The following PRMT5 variants were observed in gnomAD, a reference collection of about 807,000 sequenced individuals.
PRMT5 encodes the protein protein arginine methyltransferase 5.
Under a neutral mutation model 84.0 loss-of-function variants are expected in PRMT5, and 15 were observed. The ratio of observed to expected loss-of-function variants is 0.18; its 90% CI spans 0.12 to 0.28. The LOEUF (loss-of-function observed/expected upper bound fraction) is 0.28. Ranked by LOEUF, PRMT5 falls within the 10% of genes least tolerant of loss-of-function variation. PRMT5 has a pLI of 1.00. For synonymous variants in PRMT5, 276 were observed against 292.4 expected, an observed-to-expected ratio of 0.94 and a Z score of 0.57; for missense variants, 486 against 808.0, an observed-to-expected ratio of 0.60 and a Z score of 4.83.
Position 22,928,030 on chromosome 14 carries a change from A to G in PRMT5, c.315+96T>C. ...AGCCTAATAGCTTTAATTTCATTCT[A>G]TCAGTTAATTTACCAAGTTATTGGG... On this transcript the variant is annotated intron_variant, in intron 3 of 16. Coordinates refer to ENST00000324366, the MANE Select transcript of PRMT5 (RefSeq NM_006109.5). This position sits in a 1 kb window ranked among gnomAD's most constrained non-coding sequence, Gnocchi z 4.8. 2 of 1,080,088 alleles carry G rather than the reference A, an allele frequency of 1.9e-6. No homozygotes were observed. The highest frequency in any genetic ancestry group is 2.4e-5 in the East Asian group (1 of 42,114). The allele number at this position is 1,080,088 out of a possible 1,614,324, so 66.9% of individuals were successfully genotyped here.
chr14:22,926,355 C>T (rs2044418835), intron 6 of PRMT5, 59 bp from the exon 7 acceptor site: 13 of 1,602,096 alleles, frequency 8.1e-6, no homozygotes, highest in Non-Finnish European at 9.4e-6. Flanking sequence ...CTTCCTTGCT[C>T]CTTTGCGCAA....
rs773872232 is a variant in PRMT5 at position 22,924,563 on chromosome 14, G to A, written c.1018-26C>T. 8 of 1,613,218 alleles carry A rather than the reference G, an allele frequency of 5.0e-6. No homozygotes were observed. The East Asian group carries it at 1.6e-4, about 31-fold the overall frequency. On this transcript the variant is annotated intron_variant, in intron 9 of 16. Transcript: ENST00000324366. This position sits in a 1 kb window ranked among gnomAD's most constrained non-coding sequence, Gnocchi z 6.5. The stretch of plus-strand genomic sequence containing the variant: ...CTGGAGGGAGGAGAGAATATCCCAT[G>A]GTTGTAATCCCATCCTCCCCAGGTC...
At position 22,926,555 on chromosome 14, in the gene PRMT5, C is replaced by A. The variant is rs141950104; in HGVS notation, c.564G>T (p.Trp188Cys). Reference sequence around the variant, plus strand: ...CACACAAAGTCCGGAAGTTGTGCCACCTGTTCAGTCAAATACAGAAAAGTA... The same window carrying A: ...CACACAAAGTCCGGAAGTTGTGCCAACTGTTCAGTCAAATACAGAAAAGTA... ...EYSGEEKTWM[W>C]WHNFRTLCDY... The change falls in exon 6 of 17, where the codon TGG (tryptophan) becomes TGT (cysteine). Residue 188 changes from tryptophan to cysteine, a missense_variant and splice_region_variant. This residue lies in a region of PRMT5 where 215 missense variants were observed against 301.1 expected (regional missense o/e 0.71). Transcript: ENST00000324366. 1.9e-6 allele frequency: 3 copies of A among 1,614,048 alleles called. No homozygotes were observed. The highest frequency in any genetic ancestry group is 1.7e-6 in the Non-Finnish European group (2 of 1,180,040).
At position 22,926,214 on chromosome 14, in the gene PRMT5, G is replaced by C. The variant is rs1227236867; in HGVS notation, c.696C>G (p.Pro232=). 1 of 1,613,400 alleles carries C rather than the reference G, an allele frequency of 6.2e-7. No homozygotes were observed. The highest frequency in any genetic ancestry group is 8.5e-7 in the Non-Finnish European group (1 of 1,179,376). The change falls in exon 7 of 17, where the codon CCC becomes CCG. Residue 232 remains proline, a synonymous_variant. Coordinates refer to ENST00000324366, the MANE Select transcript of PRMT5 (RefSeq NM_006109.5). ...TCTTATTGGTCAGGAAAATGCTAGT[G>C]GGGAGAATGGCTGCTTTGATGGGCT... is the stretch of plus-strand genomic sequence containing the variant. The part of the protein sequence containing the change: ...LGEPIKAAIL[P]TSIFLTNKKG...
intron 6 of PRMT5, 74 bp downstream of exon 6, chr14:22,926,432 T>G: frequency 6.3e-7 from 1 of 1,594,438 alleles, no homozygotes; most frequent in South Asian, 1.1e-5. Flanking sequence ...TTGTATACTA[T>G]ATATGAAATT....
chr14:22,924,677 A>G lies in PRMT5; in HGVS notation c.972T>C (p.Tyr324=), dbSNP rs748364328. 3.1e-6 allele frequency: 5 copies of G among 1,614,078 alleles called. No homozygotes were observed. Among genetic ancestry groups the G allele is most frequent in the Non-Finnish European group, 4.2e-6 (5 of 1,179,976 alleles). The stretch of plus-strand genomic sequence containing the variant: ...TGATGGGGTCCTTTTCAAACACTTC[A>G]TATGTCTGAGATTCCAGATTGTCCA... The part of the protein sequence containing the change: ...PLMDNLESQT[Y]EVFEKDPIKY... The change falls in exon 9 of 17, where the codon TAT becomes TAC. Residue 324 remains tyrosine (Y), a synonymous_variant. Transcript: ENST00000324366. The surrounding 1 kb of genome is among the most constrained non-coding windows in gnomAD (Gnocchi z 6.5).
chr14:22,929,154 C>G (rs770576653), intron 1 of PRMT5, 98 bp downstream of exon 1: 1 of 1,614,010 alleles, frequency 6.2e-7, no homozygotes, highest in Non-Finnish European at 8.5e-7. Flanking sequence ...CTCATCCTAG[C>G]CGACCCCCTC....
chr14:22,923,903 G>T lies in PRMT5; in HGVS notation c.1375+105C>A. The T allele has an allele frequency of 7.8e-7, 1 of 1,281,856 alleles. No individual in the cohort carries two copies. Among genetic ancestry groups the T allele is most frequent in the South Asian group, 1.5e-5 (1 of 67,716 alleles). 79.4% of individuals were successfully genotyped at this position (1,281,856 alleles called of 1,614,324 possible). A position where few individuals can be genotyped will look rare whatever the true frequency, so the allele number is the denominator to read the frequency against. On this transcript the variant is annotated intron_variant, in intron 12 of 16. Coordinates refer to ENST00000324366, the MANE Select transcript of PRMT5 (RefSeq NM_006109.5). This position sits in a 1 kb window ranked among gnomAD's most constrained non-coding sequence, Gnocchi z 5.2. ...GAAGCAGTGGCTCTCAAACTCATAT[G>T]ATGTGACCCAGGTCCAACCCACTTT... is the stretch of plus-strand genomic sequence containing the variant.
At chr14:22,926,442 T>C (rs1487160330) in intron 6 of PRMT5, 64 bp downstream of exon 6, 44 of 1,600,484 alleles carry the variant, frequency 2.7e-5, no homozygotes, top group Non-Finnish European at 8.6e-7. Context: ...TATATGAAAT[T>C]CCTGATTCTT....
Position 22,923,312 on chromosome 14 carries a change from A to G in PRMT5, c.1376-152T>C. ...AGAGACAAATGCATGTTGTCACATTACTAAGCCAGCCTGCTTCCAACTACT... is the reference window on the plus strand; with the variant it reads ...AGAGACAAATGCATGTTGTCACATTGCTAAGCCAGCCTGCTTCCAACTACT... On this transcript the variant is annotated intron_variant, in intron 12 of 16. Coordinates refer to ENST00000324366, the MANE Select transcript of PRMT5 (RefSeq NM_006109.5). This position sits in a 1 kb window ranked among gnomAD's most constrained non-coding sequence, Gnocchi z 5.2. 3 of 577,148 alleles carry G rather than the reference A, an allele frequency of 5.2e-6. No individual in the cohort carries two copies. 35.8% of individuals were successfully genotyped at this position (577,148 alleles called of 1,614,324 possible). A position where few individuals can be genotyped will look rare whatever the true frequency, so the allele number is the denominator to read the frequency against.
chr14:22,922,660 C>A, intron 14 of PRMT5, 82 bp downstream of exon 14: 3 of 1,523,168 alleles, frequency 2.0e-6, no homozygotes, highest in Non-Finnish European at 1.8e-6. Flanking sequence ...ATAAGGCAGA[C>A]TAGGGACAGT....
chr14:22,926,531 A>C lies in PRMT5; in HGVS notation c.588T>G (p.Cys196Trp). ...WMWWHNFRTL[C>W]DYSKRIAVAL... Reference sequence around the variant, plus strand: ...CCACTGCAATCCTCTTACTATAGTCACACAAAGTCCGGAAGTTGTGCCACC... The same window carrying C: ...CCACTGCAATCCTCTTACTATAGTCCCACAAAGTCCGGAAGTTGTGCCACC... Residue 196 changes from cysteine to tryptophan, a missense_variant, in exon 6 of 17, where the codon TGT becomes TGG. Cys to Trp is a radical substitution (Grantham distance 215). Around this residue, in one of 4 missense-constraint regions of PRMT5, gnomAD observed 215 missense variants for 301.1 expected, o/e 0.71. Coordinates refer to ENST00000324366, the MANE Select transcript of PRMT5 (RefSeq NM_006109.5). The C allele has an allele frequency of 6.2e-7, 1 of 1,614,158 alleles. No individual in the cohort carries two copies. The highest frequency in any genetic ancestry group is 1.7e-5 in the Admixed American group (1 of 60,000).
At chr14:22,921,623 G>A (rs914086978) in intron 16 of PRMT5, among the ~76,000 whole-genome samples, 1 of 152,108 alleles carries the variant, frequency 6.6e-6, no homozygotes, top group Non-Finnish European at 1.5e-5. Context: ...GGTGGCTCAC[G>A]CCTGTAATCC....
chr14:22,922,697 A>C, intron 14 of PRMT5, 45 bp downstream of exon 14: 1 of 1,580,090 alleles, frequency 6.3e-7, no homozygotes. Context: ...AGGAAGGAAG[A>C]AGCCCGTACC....
At chr14:22,922,898 C>A in intron 13 of PRMT5, 63 bp from the exon 14 acceptor site, 1 of 1,527,614 alleles carries the variant, frequency 6.5e-7, no homozygotes, top group East Asian at 2.3e-5. Context: ...ACTACTTCCC[C>A]AAGGATTAAA....
Position 22,921,884 on chromosome 14 carries a change from T to TAAAAA in PRMT5, c.1761+287_1761+291dup, listed in dbSNP as rs34529278. Among the ~76,000 whole-genome samples the TAAAAA allele has an allele frequency of 1.4e-4, 17 of 120,016 alleles. 1 individual carries two copies. The highest frequency in any genetic ancestry group is 2.3e-4 in the Non-Finnish European group (14 of 59,780). The allele number at this position is 120,016 out of a possible 152,430, so 78.7% of individuals were successfully genotyped here. A position where few individuals can be genotyped will look rare whatever the true frequency, so the allele number is the denominator to read the frequency against. On this transcript the variant is annotated intron_variant, in intron 16 of 16. Coordinates refer to ENST00000324366, the MANE Select transcript of PRMT5 (RefSeq NM_006109.5). ...GCGACAGAGTGAGACTCCGTCTCTT[T>TAAAAA]AAAAAAAAAAAAAAAAAAAAGACAG...
Position 22,924,127 on chromosome 14 carries a change from T to C in PRMT5, c.1256A>G (p.Asp419Gly). ...WGSQVTVVSS[D>G]MREWVAPEKA... is the part of the protein sequence containing the mutation. ...CTCTGGAGCCACCCATTCCCTCATG[T>C]CTGATGAGACTACGGTCACTTGGCT... Residue 419 changes from aspartate (D) to glycine (G), a missense_variant, in exon 12 of 17, where the codon GAC becomes GGC. Coordinates refer to ENST00000324366, the MANE Select transcript of PRMT5 (RefSeq NM_006109.5). The surrounding 1 kb of genome is among the most constrained non-coding windows in gnomAD (Gnocchi z 6.5). 6.2e-7 allele frequency: 1 copy of C among 1,613,696 alleles called. No homozygotes were observed. Among genetic ancestry groups the C allele is most frequent in the Non-Finnish European group, 8.5e-7 (1 of 1,179,758 alleles).
In PRMT5 at chr14:22,928,690, AT is replaced by A; in HGVS notation, c.111-76del. ...AGAGCCAAGCAACTGGATTTAGGCT[AT>A]CTTGATTTTGCACAGCCCTTTCAGC... On this transcript the variant is annotated intron_variant, in intron 1 of 16. Transcript: ENST00000324366. The surrounding 1 kb of genome is among the most constrained non-coding windows in gnomAD (Gnocchi z 4.8). 2 of 1,239,854 alleles carry A rather than the reference AT, an allele frequency of 1.6e-6. No individual in the cohort carries two copies. Among genetic ancestry groups the A allele is most frequent in the South Asian group, 2.4e-5 (2 of 83,044 alleles). 76.8% of individuals were successfully genotyped at this position (1,239,854 alleles called of 1,614,324 possible).
Position 22,924,418 on chromosome 14 carries a change from C to T in PRMT5, c.1077-26G>A. 6.2e-7 allele frequency: 1 copy of T among 1,614,016 alleles called. No homozygotes were observed. The highest frequency in any genetic ancestry group is 8.5e-7 in the Non-Finnish European group (1 of 1,179,966). On this transcript the variant is annotated intron_variant, in intron 10 of 16. Coordinates refer to ENST00000324366, the MANE Select transcript of PRMT5 (RefSeq NM_006109.5). This position sits in a 1 kb window ranked among gnomAD's most constrained non-coding sequence, Gnocchi z 6.5. ...CTAAGAAAGAAAGGGAAGAGTCAAG[C>T]AGACTTGGCATATACAGATATAGGT...
Sources: allele counts gnomAD v4.1 joint callset (sites outside exome capture counted in the v4.1 genomes callset), GRCh38; gene constraint gnomAD v4.1.1; regional missense constraint gnomAD v4.1.1; non-coding constraint Gnocchi (gnomAD v3.1); transcripts MANE v1.5; gene names NCBI Gene and HGNC (gene_info 2026-07-23, HGNC 2026-07-21).